ATP2A2: variants seen among roughly 807,000 people sequenced by gnomAD.
The protein encoded by ATP2A2 is sarcoplasmic/endoplasmic reticulum calcium ATPase 2.
A neutral mutation model predicts 109.3 loss-of-function variants in ATP2A2; 14 were observed. The ratio of observed to expected loss-of-function variants is 0.13; its 90% CI spans 0.08 to 0.20. The LOEUF (loss-of-function observed/expected upper bound fraction) is 0.20, where lower values mean the gene tolerates loss of function less well. Among genes scored for constraint, ATP2A2 ranks in the 10% least tolerant of loss-of-function variants. ATP2A2 has a pLI of 1.00. For missense variants in ATP2A2, 657 were observed against 1,321.6 expected (o/e 0.50, Z 7.80); for synonymous variants, 506 against 490.9 (o/e 1.03, Z -0.41).
Position 110,347,029 on chromosome 12 carries a change from A to ACCCCACCTCT in ATP2A2, c.*568_*577dup. The ACCCCACCTCT allele has an allele frequency of 8.2e-6, 3 of 367,860 alleles. No homozygotes were observed. Among genetic ancestry groups the ACCCCACCTCT allele is most frequent in the Non-Finnish European group, 1.0e-5 (3 of 298,820 alleles). 22.8% of individuals were successfully genotyped at this position (367,860 alleles called of 1,614,324 possible). Reference sequence around the variant, plus strand: ...CTTTGGCCTCCGTTCACCCCACCCCACCCCACCTCTCCCCACCTTACCCCC... The same window carrying ACCCCACCTCT: ...CTTTGGCCTCCGTTCACCCCACCCCACCCCACCTCTCCCCACCTCTCCCCACCTTACCCCC... On this transcript the variant is annotated 3_prime_UTR_variant, in exon 20 of 20. Coordinates refer to ENST00000539276, the MANE Select transcript of ATP2A2 (RefSeq NM_170665.4).
chr12:110,334,857 G>T (rs1278921409), intron 11 of ATP2A2, among the ~76,000 whole-genome samples: 2 of 152,168 alleles, frequency 1.3e-5, no homozygotes, highest in African/African-American at 4.8e-5. Context: ...CAAAGTGCTG[G>T]GATTACAGGC....
At chr12:110,308,609 T>C (rs1387078713) in intron 5 of ATP2A2, among the ~76,000 whole-genome samples, 1 of 152,228 alleles carries the variant, frequency 6.6e-6, no homozygotes, top group Non-Finnish European at 1.5e-5. Context: ...TAGGTATTTA[T>C]TTTATTAAGA....
intron 7 of ATP2A2, among the ~76,000 whole-genome samples, chr12:110,326,922 C>G (rs993306457): frequency 6.6e-5 from 10 of 152,134 alleles, no homozygotes; most frequent in Admixed American, 2.0e-4. Context: ...TACTATTTCA[C>G]TTTTTCTATT....
At chr12:110,326,314 TG>T in intron 6 of ATP2A2, 75 bp from the exon 7 acceptor site, 1 of 1,310,174 alleles carries the variant, frequency 7.6e-7, no homozygotes, top group Non-Finnish European at 1.1e-6. Flanking sequence ...TGGTAATGGG[TG>T]GGCATGAATG....
chr12:110,336,913 T>C lies in ATP2A2; in HGVS notation c.1420-2368T>C, dbSNP rs543991890. ...GCAGAGCCACGCTGCCTGTGATCTA[T>C]TAGTTGGTGTAACTAAAAATCTGAG... is the stretch of plus-strand genomic sequence containing the variant. On this transcript the variant is annotated intron_variant, in intron 11 of 19. Transcript: ENST00000539276. 5.9e-5 allele frequency among the ~76,000 whole-genome samples: 9 copies of C among 152,338 alleles called. No homozygotes were observed. The South Asian group carries it at 1.7e-3, about 28-fold the overall frequency.
At chr12:110,334,826 G>A (rs1017671842) in intron 11 of ATP2A2, among the ~76,000 whole-genome samples, 1 of 152,108 alleles carries the variant, frequency 6.6e-6, no homozygotes, top group African/African-American at 2.4e-5. Context: ...GACCTCAGGT[G>A]ATCCGCCCAC....
chr12:110,348,451 A>C lies in ATP2A2; in HGVS notation c.*1981A>C. 1.0e-6 allele frequency: 1 copy of C among 985,442 alleles called. No individual in the cohort carries two copies. Among genetic ancestry groups the C allele is most frequent in the African/African-American group, 1.7e-5 (1 of 57,292 alleles). The allele number at this position is 985,442 out of a possible 1,614,324, so 61.0% of individuals were successfully genotyped here. On this transcript the variant is annotated 3_prime_UTR_variant, in exon 20 of 20. Transcript: ENST00000539276. ...CTCTGGTTACTGGGATGGCCAGTAG[A>C]TGTAATGCAGATGGTTGGAGTTTGG...
At chr12:110,324,254 T>TG (rs200663108) in intron 6 of ATP2A2, among the ~76,000 whole-genome samples, 1,535 of 152,272 alleles carry the variant, frequency 0.01, 6 homozygotes, top group African/African-American at 0.013. Context: ...ATGAGTAACC[T>TG]GGCTCTATTT....
rs1189997321 is a variant in ATP2A2 at position 110,345,398 on chromosome 12, C to T, written c.2741+16C>T. 6 of 1,614,152 alleles carry T rather than the reference C, an allele frequency of 3.7e-6. No individual in the cohort carries two copies. Among genetic ancestry groups the T allele is most frequent in the East Asian group, 4.5e-5 (2 of 44,888 alleles). On this transcript the variant is annotated intron_variant, in intron 18 of 19. Transcript: ENST00000539276. ...CCCTCAACAGGTTAGTGCACCTTCACGGCAGGCTGAGGCGAGCATGGTGAC... is the reference window on the plus strand; with the variant it reads ...CCCTCAACAGGTTAGTGCACCTTCATGGCAGGCTGAGGCGAGCATGGTGAC...
chr12:110,333,205 T>C lies in ATP2A2; in HGVS notation c.1209T>C (p.Asn403=). The C allele has an allele frequency of 2.5e-6, 4 of 1,613,988 alleles. No homozygotes were observed. The highest frequency in any genetic ancestry group is 2.2e-5 in the East Asian group (1 of 44,890). ...GEVHKDDKPV[N]CHQYDGLVEL... ...GGCATAAAGATGATAAACCAGTGAA[T>C]TGTCACCAGTATGATGGTCTGGTAG... Residue 403 remains asparagine (N), a synonymous_variant, in exon 10 of 20, where the codon AAT becomes AAC. Transcript: ENST00000539276.
Position 110,342,107 on chromosome 12 carries a change from CTT to C in ATP2A2, c.2098-119_2098-118del. ...CTTATGAAACAAAAATTCTAAAACT[CTT>C]TGCCAAGAGACCTACGGCTCTATTC... On this transcript the variant is annotated intron_variant, in intron 14 of 19. Transcript: ENST00000539276. The surrounding 1 kb of genome is among the most constrained non-coding windows in gnomAD (Gnocchi z 4.6). 8.8e-7 allele frequency: 1 copy of C among 1,133,582 alleles called. No individual in the cohort carries two copies. Among genetic ancestry groups the C allele is most frequent in the Non-Finnish European group, 1.3e-6 (1 of 759,064 alleles). 70.2% of individuals were successfully genotyped at this position (1,133,582 alleles called of 1,614,324 possible). A position where few individuals can be genotyped will look rare whatever the true frequency, so the allele number is the denominator to read the frequency against.
At position 110,290,537 on chromosome 12, in the gene ATP2A2, C is replaced by T. The variant is rs187377933; in HGVS notation, c.220-1483C>T. 7.2e-5 allele frequency among the ~76,000 whole-genome samples: 11 copies of T among 152,208 alleles called. 1 individual carries two copies. The highest frequency in any genetic ancestry group is 2.6e-4 in the Admixed American group (4 of 15,300). ...ACATATAAAATGAATGGAATTTATT[C>T]CCTCTCCCCAGATTTTATTTGGATT... On this transcript the variant is annotated intron_variant, in intron 3 of 19. Coordinates refer to ENST00000539276, the MANE Select transcript of ATP2A2 (RefSeq NM_170665.4).
At chr12:110,341,570 T>C (rs1879355219) in intron 14 of ATP2A2, among the ~76,000 whole-genome samples, 1 of 152,246 alleles carries the variant, frequency 6.6e-6, no homozygotes, top group Non-Finnish European at 1.5e-5. Context: ...TATTTTTGCA[T>C]GCTTTTGAAG....
At chr12:110,307,222 C>CTTTTTTTTTTTTTT (rs113642254) in intron 5 of ATP2A2, among the ~76,000 whole-genome samples, 3 of 126,726 alleles carry the variant, frequency 2.4e-5, no homozygotes, top group Non-Finnish European at 1.6e-5. Flanking sequence ...GCCCCACCAC[C>CTTTTTTTTTTTTTT]TTTTTTTTTT....
chr12:110,281,834 C>A lies in ATP2A2; in HGVS notation c.45C>A (p.His15Gln). 1.3e-6 allele frequency: 2 copies of A among 1,563,178 alleles called. No homozygotes were observed. The highest frequency in any genetic ancestry group is 1.7e-6 in the Non-Finnish European group (2 of 1,156,466). ...HTKTVEEVLG[H>Q]FGVNESTGLS... ...AGACGGTGGAGGAGGTGCTGGGCCA[C>A]TTCGGCGTCAACGAGAGTACGGGGC... The change falls in exon 1 of 20, where the codon CAC becomes CAA. Residue 15 changes from histidine to glutamine, a missense_variant. Physicochemically the swap from His to Gln is conservative, Grantham distance 24. Around this residue, in one of 9 missense-constraint regions of ATP2A2, gnomAD observed 64 missense variants for 65.4 expected, o/e 0.98. Transcript: ENST00000539276.
intron 5 of ATP2A2, among the ~76,000 whole-genome samples, chr12:110,297,543 G>T (rs1370729657): frequency 2.0e-5 from 3 of 151,918 alleles, no homozygotes; most frequent in Non-Finnish European, 4.4e-5. Context: ...TGAATCCACT[G>T]TGAGTCCAGA....
chr12:110,341,853 G>A (rs1035374102), intron 14 of ATP2A2, among the ~76,000 whole-genome samples: 18 of 152,230 alleles, frequency 1.2e-4, no homozygotes, highest in Non-Finnish European at 2.5e-4. Flanking sequence ...GGGCGACAGA[G>A]CGGGACTCCA....
chr12:110,345,788 T>C (rs1879789182), intron 18 of ATP2A2: 1 of 646,358 alleles, frequency 1.5e-6, no homozygotes, highest in African/African-American at 1.8e-5. Flanking sequence ...TAAGATGGGG[T>C]CTGCTATGCC....
At chr12:110,286,935 C>T (rs781463202) in intron 3 of ATP2A2, among the ~76,000 whole-genome samples, 9 of 152,110 alleles carry the variant, frequency 5.9e-5, no homozygotes, top group Admixed American at 1.3e-4. Flanking sequence ...GCAGAACGTG[C>T]TTTTTACCTT....
Sources: allele counts gnomAD v4.1 joint callset (sites outside exome capture counted in the v4.1 genomes callset), GRCh38; gene constraint gnomAD v4.1.1; regional missense constraint gnomAD v4.1.1; non-coding constraint Gnocchi (gnomAD v3.1); transcripts MANE v1.5; gene names NCBI Gene and HGNC (gene_info 2026-07-23, HGNC 2026-07-21).